AHCYL2: variants seen among roughly 807,000 people sequenced by gnomAD.
AHCYL2 encodes S-adenosylhomocysteine hydrolase-like protein 2.
Under a neutral mutation model 81.4 loss-of-function variants are expected in AHCYL2, and 28 were observed. The observed-to-expected ratio is 0.34, with a 90% confidence interval of 0.25 to 0.47. The LOEUF is 0.47. Ranked by LOEUF, AHCYL2 falls within the 20% of genes least tolerant of loss-of-function variation. The pLI is 1.00. For synonymous variants in AHCYL2, 272 were observed against 290.2 expected (o/e 0.94, Z 0.64); for missense variants, 551 against 785.1 (o/e 0.70, Z 3.56).
chr7:129,231,509 G>A (rs1584683223), intron 1 of AHCYL2, among the ~76,000 whole-genome samples: 1 of 152,188 alleles, frequency 6.6e-6, no homozygotes, highest in East Asian at 1.9e-4. Flanking sequence ...TATGCAGTTT[G>A]TTTCATGGTG....
intron 1 of AHCYL2, among the ~76,000 whole-genome samples, chr7:129,230,286 G>T (rs909977869): frequency 6.6e-5 from 10 of 151,670 alleles, no homozygotes; most frequent in Admixed American, 1.3e-4. Context: ...GTTTCACCAA[G>T]TTAGCCAGGG....
chr7:129,370,422 T>C (rs35710833), intron 1 of AHCYL2, among the ~76,000 whole-genome samples: 57,190 of 151,724 alleles, frequency 0.38, 12,097 homozygotes, highest in Non-Finnish European at 0.47. Flanking sequence ...TGCAGCCGGG[T>C]GCGGTGGCTC....
intron 1 of AHCYL2, among the ~76,000 whole-genome samples, chr7:129,304,999 T>C (rs1012386766): frequency 1.3e-5 from 2 of 152,152 alleles, no homozygotes; most frequent in Admixed American, 1.3e-4. Flanking sequence ...TGGATGTGAT[T>C]TTCTCTGGTG....
chr7:129,233,017 C>T (rs1794502398), intron 1 of AHCYL2, among the ~76,000 whole-genome samples: 1 of 152,148 alleles, frequency 6.6e-6, no homozygotes, highest in African/African-American at 2.4e-5. Flanking sequence ...TGCTGGCACT[C>T]ATGGAGCTGA....
At chr7:129,325,728 CT>C (rs1272025375) in intron 1 of AHCYL2, among the ~76,000 whole-genome samples, 42 of 145,518 alleles carry the variant, frequency 2.9e-4, no homozygotes, top group Non-Finnish European at 2.9e-4. Flanking sequence ...TTTTCTTTTT[CT>C]TTTTTTTTTT....
intron 1 of AHCYL2, among the ~76,000 whole-genome samples, chr7:129,331,192 G>T (rs955733366): frequency 3.3e-5 from 5 of 152,178 alleles, no homozygotes; most frequent in African/African-American, 1.2e-4. Flanking sequence ...GGATGAAGGG[G>T]TGAGAAGACG....
At chr7:129,293,909 A>G (rs1270417077) in intron 1 of AHCYL2, among the ~76,000 whole-genome samples, 1 of 152,156 alleles carries the variant, frequency 6.6e-6, no homozygotes, top group East Asian at 1.9e-4. Context: ...TAATTTAGAG[A>G]TTGTTAATTC....
At chr7:129,288,473 C>T (rs1715762307) in intron 1 of AHCYL2, among the ~76,000 whole-genome samples, 1 of 151,982 alleles carries the variant, frequency 6.6e-6, no homozygotes, top group Non-Finnish European at 1.5e-5. Flanking sequence ...CGATTCTCCT[C>T]CTCAGCCTCC....
intron 1 of AHCYL2, among the ~76,000 whole-genome samples, chr7:129,352,937 C>CTTCT (rs1793616543): frequency 1.2e-5 from 1 of 82,556 alleles, no homozygotes; most frequent in Non-Finnish European, 2.2e-5. Flanking sequence ...CCTCCTCATT[C>CTTCT]TTTTTTTTTT....
In AHCYL2 at chr7:129,426,648, A is replaced by G. The variant is rs375968740; in HGVS notation, c.1829+85A>G. The G allele has an allele frequency of 2.2e-5, 34 of 1,532,176 alleles. No homozygotes were observed. The East Asian group carries it at 4.5e-4, about 20-fold the overall frequency. 94.9% of individuals were successfully genotyped at this position (1,532,176 alleles called of 1,614,324 possible). A position where few individuals can be genotyped will look rare whatever the true frequency, so the allele number is the denominator to read the frequency against. ...AATTGGTCTTTGCATCCCCAACCAC[A>G]TATGCTTACATGAACTCAGAAAAAT... is the stretch of plus-strand genomic sequence containing the variant. On this transcript the variant is annotated intron_variant, in intron 16 of 16. Transcript: ENST00000325006. The surrounding 1 kb of genome is among the most constrained non-coding windows in gnomAD (Gnocchi z 4.3).
At position 129,406,852 on chromosome 7, in the gene AHCYL2, C is replaced by T. The variant is rs1796330200; in HGVS notation, c.1295+386C>T. On this transcript the variant is annotated intron_variant, in intron 10 of 16. Coordinates refer to ENST00000325006, the MANE Select transcript of AHCYL2 (RefSeq NM_015328.4). The surrounding 1 kb of genome is among the most constrained non-coding windows in gnomAD (Gnocchi z 4.3). Reference sequence around the variant, plus strand: ...CCTCCCAAAAATGTATAACCTGAATCTAATTGTGAGGAAACATTAGACCAA... The same window carrying T: ...CCTCCCAAAAATGTATAACCTGAATTTAATTGTGAGGAAACATTAGACCAA... 6.6e-6 allele frequency among the ~76,000 whole-genome samples: 1 copy of T among 152,152 alleles called. No homozygotes were observed. The highest frequency in any genetic ancestry group is 2.1e-4 in the South Asian group (1 of 4,826).
intron 1 of AHCYL2, among the ~76,000 whole-genome samples, chr7:129,374,907 C>CG (rs1794603108): frequency 6.6e-6 from 1 of 151,360 alleles, no homozygotes; most frequent in Non-Finnish European, 1.5e-5. Flanking sequence ...CATCACTTTC[C>CG]CCCCAATCTC....
chr7:129,336,071 C>CTT (rs11373631), intron 1 of AHCYL2, among the ~76,000 whole-genome samples: 3,125 of 118,388 alleles, frequency 0.026, 140 homozygotes, highest in East Asian at 0.041. Context: ...CTTTTCTTTC[C>CTT]TTTTTTTTTT....
In AHCYL2 at chr7:129,282,966, C is replaced by T. The variant is rs1253739254; in HGVS notation, c.363+57527C>T. 6.6e-5 allele frequency among the ~76,000 whole-genome samples: 10 copies of T among 152,104 alleles called. No individual in the cohort carries two copies. The East Asian group carries it at 1.2e-3, about 18-fold the overall frequency. On this transcript the variant is annotated intron_variant, in intron 1 of 16. Transcript: ENST00000325006. The stretch of plus-strand genomic sequence containing the variant: ...ACTCTACCTCGTGCCTTGTTAATTA[C>T]GGGGTTTTCCAGTTTGGCTGGTGGG...
chr7:129,322,201 G>T (rs879537800), intron 1 of AHCYL2, among the ~76,000 whole-genome samples: 1 of 151,018 alleles, frequency 6.6e-6, no homozygotes, highest in Non-Finnish European at 1.5e-5. Context: ...GTCCAGTGGC[G>T]TGATCTTGGC....
At chr7:129,379,554 G>T in intron 1 of AHCYL2, 84 bp from the exon 2 acceptor site, 1 of 954,238 alleles carries the variant, frequency 1.0e-6, no homozygotes. Flanking sequence ...GTTAGGGAAG[G>T]TGAAAGCCTG....
intron 1 of AHCYL2, among the ~76,000 whole-genome samples, chr7:129,299,675 G>A (rs1278757404): frequency 6.6e-6 from 1 of 152,138 alleles, no homozygotes; most frequent in Non-Finnish European, 1.5e-5. Flanking sequence ...TTACAGGCAT[G>A]AGCCATCACG....
intron 2 of AHCYL2, among the ~76,000 whole-genome samples, chr7:129,385,336 T>TA (rs1381246009): frequency 2.0e-5 from 3 of 152,218 alleles, no homozygotes; most frequent in African/African-American, 7.2e-5. Flanking sequence ...TTGCCTGACA[T>TA]AAAATAGTCT....
intron 1 of AHCYL2, among the ~76,000 whole-genome samples, chr7:129,335,986 T>C (rs371879203): frequency 1.2e-4 from 19 of 152,196 alleles, no homozygotes; most frequent in Middle Eastern, 6.8e-3. Context: ...ATAGAGTAGA[T>C]GGCTTCTATT....
Sources: allele counts gnomAD v4.1 joint callset (sites outside exome capture counted in the v4.1 genomes callset), GRCh38; gene constraint gnomAD v4.1.1; non-coding constraint Gnocchi (gnomAD v3.1); transcripts MANE v1.5; gene names NCBI Gene and HGNC (gene_info 2026-07-23, HGNC 2026-07-21).